HERC2: variants seen among roughly 807,000 people sequenced by gnomAD.
The protein encoded by HERC2 is HECT and RLD domain containing E3 ubiquitin protein ligase 2.
HERC2 carries 102 observed loss-of-function variants against 537.7 expected under a neutral mutation model. The observed-to-expected ratio is 0.19, with a 90% CI of 0.16 to 0.22. The LOEUF (loss-of-function observed/expected upper bound fraction) is 0.22, where lower values mean the gene tolerates loss of function less well. HERC2 is among the 10% of genes least tolerant of loss of function. HERC2 has a pLI of 1.00. For synonymous variants in HERC2, 2,224 were observed against 2,466.2 expected (o/e 0.90, Z 2.91); for missense variants, 4,236 against 6,198.2 (o/e 0.68, Z 10.63).
chr15:28,272,578 C>G (rs952493160), intron 8 of HERC2, among the ~76,000 whole-genome samples, 192 bp from the exon 9 acceptor site: 14 of 151,852 alleles, frequency 9.2e-5, no homozygotes, highest in Admixed American at 8.5e-4. Flanking sequence ...TCGCCTTCTG[C>G]TCATAAGAAA....
intron 2 of HERC2, among the ~76,000 whole-genome samples, chr15:28,317,761 C>T (rs142558967): frequency 4.5e-3 from 679 of 152,180 alleles, no homozygotes; most frequent in African/African-American, 0.015. Context: ...CACAGAACTA[C>T]GCACACACAT....
chr15:28,204,140 A>G lies in HERC2; in HGVS notation c.7213-1526T>C, dbSNP rs552350646. Among the ~76,000 whole-genome samples the G allele has an allele frequency of 1.5e-3, 231 of 152,208 alleles. 5 individuals carry two copies. The highest frequency in any genetic ancestry group is 5.4e-3 in the African/African-American group (226 of 41,474). On this transcript the variant is annotated intron_variant, in intron 45 of 92. Coordinates refer to ENST00000261609, the MANE Select transcript of HERC2 (RefSeq NM_004667.6). ...GGCGGCAGAACCCAGAGCCAATACA[A>G]TGTAACGTCCAAAGAATCCAGAATG...
Position 28,132,752 on chromosome 15 carries a change from G to A in HERC2, c.12309C>T (p.Ser4103=), listed in dbSNP as rs370915742. The A allele has an allele frequency of 6.2e-6, 10 of 1,607,620 alleles. No homozygotes were observed. Among genetic ancestry groups the A allele is most frequent in the South Asian group, 3.3e-5 (3 of 89,946 alleles). Residue 4103 remains serine (S), a synonymous_variant, in exon 80 of 93, where the codon AGC becomes AGT. Transcript: ENST00000261609. The part of the protein sequence containing the change: ...VVDVAAGGAH[S]ACVTAAGDLY... ...GGTCCCCGGCTGCTGTGACACAGGC[G>A]CTGTGGGCTCCGCCAGCAGCAACAT...
chr15:28,305,366 T>C (rs1180703541), intron 2 of HERC2, among the ~76,000 whole-genome samples: 1 of 151,406 alleles, frequency 6.6e-6, no homozygotes, highest in Non-Finnish European at 1.5e-5. Context: ...CCCTCAGAAA[T>C]AACGCCGCAT....
intron 4 of HERC2, among the ~76,000 whole-genome samples, chr15:28,292,090 A>G (rs1455601434): frequency 2.0e-5 from 3 of 150,100 alleles, no homozygotes; most frequent in Admixed American, 2.0e-4. Flanking sequence ...TTAGCCAGGC[A>G]TGGTGGCGGA....
chr15:28,287,678 T>C (rs1483193448), intron 4 of HERC2, among the ~76,000 whole-genome samples: 1 of 151,438 alleles, frequency 6.6e-6, no homozygotes, highest in Non-Finnish European at 1.5e-5. Flanking sequence ...ACTTATTTTA[T>C]ATATAATTTT....
At chr15:28,210,310 T>G (rs1168817681) in intron 44 of HERC2, among the ~76,000 whole-genome samples, 1 of 152,082 alleles carries the variant, frequency 6.6e-6, no homozygotes, top group Non-Finnish European at 1.5e-5. Context: ...ATGTTTTGTA[T>G]TTTTAGTAGA....
intron 57 of HERC2, among the ~76,000 whole-genome samples, chr15:28,182,132 C>T (rs1363502824): frequency 6.6e-6 from 1 of 152,168 alleles, no homozygotes; most frequent in African/African-American, 2.4e-5. Flanking sequence ...AGGCAAGATA[C>T]ACCTATTGAC....
intron 14 of HERC2, 74 bp from the exon 15 acceptor site, chr15:28,263,243 T>TA: frequency 6.6e-7 from 1 of 1,520,436 alleles, no homozygotes; most frequent in South Asian, 1.2e-5. Flanking sequence ...CTGCAAATAA[T>TA]ATAATGAAAA....
At chr15:28,173,470 A>G (rs1894891184) in intron 65 of HERC2, among the ~76,000 whole-genome samples, 1 of 152,240 alleles carries the variant, frequency 6.6e-6, no homozygotes, top group South Asian at 2.1e-4. Flanking sequence ...TAAAAAGAGT[A>G]TATGCTGTAT....
In HERC2 at chr15:28,177,261, C is replaced by G; in HGVS notation, c.9255-134G>C. 8.3e-7 allele frequency: 1 copy of G among 1,209,026 alleles called. No homozygotes were observed. Among genetic ancestry groups the G allele is most frequent in the Non-Finnish European group, 1.2e-6 (1 of 858,034 alleles). The allele number at this position is 1,209,026 out of a possible 1,614,324, so 74.9% of individuals were successfully genotyped here. A position where few individuals can be genotyped will look rare whatever the true frequency, so the allele number is the denominator to read the frequency against. On this transcript the variant is annotated intron_variant, in intron 60 of 92. Coordinates refer to ENST00000261609, the MANE Select transcript of HERC2 (RefSeq NM_004667.6). The surrounding 1 kb of genome is among the most constrained non-coding windows in gnomAD (Gnocchi z 5.0). ...TCAACTATCAAAACTTAAAGCAGAA[C>G]CGGTGAGACCAAAACACAAACAACC...
chr15:28,175,986 C>A (rs990966849), intron 63 of HERC2, among the ~76,000 whole-genome samples: 1 of 152,180 alleles, frequency 6.6e-6, no homozygotes, highest in Non-Finnish European at 1.5e-5. Context: ...CAAGCTGCCT[C>A]GGGTCATGAC....
rs2075257833 is a variant in HERC2 at position 28,256,248 on chromosome 15, T to C, written c.2587A>G (p.Asn863Asp). 1.3e-6 allele frequency: 2 copies of C among 1,598,880 alleles called. No homozygotes were observed. The highest frequency in any genetic ancestry group is 4.5e-5 in the East Asian group (2 of 44,868). Residue 863 changes from asparagine (N) to aspartate (D), a missense_variant, in exon 18 of 93, where the codon AAC (asparagine) becomes GAC (aspartate). Asn to Asp is a conservative substitution (Grantham distance 23). Coordinates refer to ENST00000261609, the MANE Select transcript of HERC2 (RefSeq NM_004667.6). ...GTCACCACCGTCTGCTTCAGGCTGT[T>C]CAGGAGGATGCTGCCCAGACCTAAA... ...LGLGLGSILLNSLKQTVVTLA... is the reference protein window; with the variant it reads ...LGLGLGSILLDSLKQTVVTLA...
chr15:28,187,991 G>T (rs889769858), intron 55 of HERC2, among the ~76,000 whole-genome samples: 12 of 152,096 alleles, frequency 7.9e-5, no homozygotes, highest in Middle Eastern at 3.2e-3. Context: ...TAAACGACCT[G>T]CTCAAACCTC....
chr15:28,128,388 C>G (rs910495514), intron 83 of HERC2, among the ~76,000 whole-genome samples: 4 of 152,194 alleles, frequency 2.6e-5, no homozygotes, highest in Middle Eastern at 3.2e-3. Context: ...CTCATGTGGA[C>G]TGGGATAAGC....
At chr15:28,296,597 T>G (rs1241611633) in intron 3 of HERC2, among the ~76,000 whole-genome samples, 1 of 151,854 alleles carries the variant, frequency 6.6e-6, no homozygotes, top group African/African-American at 2.4e-5. Context: ...AGAAAACACT[T>G]TGGGAAAAAT....
intron 55 of HERC2, chr15:28,190,175 ATTTTTTTTTTTTT>A (rs774381604): frequency 8.5e-6 from 1 of 118,306 alleles, no homozygotes; most frequent in Non-Finnish European, 1.8e-5. Context: ...CGCCCGGCTA[ATTTTTTTTTTTTT>A]TTTTTTTTTT....
In HERC2 at chr15:28,249,300, G is replaced by A. The variant is rs530736479; in HGVS notation, c.3051-564C>T. Among the ~76,000 whole-genome samples the A allele has an allele frequency of 9.1e-4, 139 of 152,282 alleles. 4 individuals are homozygous for A. The highest frequency in any genetic ancestry group is 8.3e-3 in the South Asian group (40 of 4,814). ...GGGTGGGCCATGCAGCAGGTGCCGA[G>A]GGCTCAGGGAGTCCAGGAAGGAAGA... On this transcript the variant is annotated intron_variant, in intron 20 of 92. Transcript: ENST00000261609.
intron 17 of HERC2, among the ~76,000 whole-genome samples, chr15:28,256,853 C>CAA (rs1276545741): frequency 6.6e-6 from 1 of 152,186 alleles, no homozygotes; most frequent in Non-Finnish European, 1.5e-5. Flanking sequence ...CCAGGCCTCC[C>CAA]AAAAGTGCTG....
Sources: allele counts gnomAD v4.1 joint callset (sites outside exome capture counted in the v4.1 genomes callset), GRCh38; gene constraint gnomAD v4.1.1; non-coding constraint Gnocchi (gnomAD v3.1); transcripts MANE v1.5; gene names NCBI Gene and HGNC (gene_info 2026-07-23, HGNC 2026-07-21).